The following BIRC6 variants were observed in gnomAD, a reference collection of about 807,000 sequenced individuals.
BIRC6 encodes baculoviral IAP repeat containing 6.
BIRC6 carries 98 observed loss-of-function variants against 503.3 expected under a neutral mutation model. That is an observed-to-expected ratio of 0.19 (90% confidence interval 0.17 to 0.23). The LOEUF (loss-of-function observed/expected upper bound fraction) is 0.23, where lower values mean the gene tolerates loss of function less well. Ranked by LOEUF, BIRC6 falls within the 10% of genes least tolerant of loss-of-function variation. BIRC6 has a pLI of 1.00. For synonymous variants in BIRC6, 2,240 were observed against 2,078.7 expected, an observed-to-expected ratio of 1.08 and a Z score of -2.11; for missense variants, 5,360 against 5,806.0, an observed-to-expected ratio of 0.92 and a Z score of 2.50.
intron 73 of BIRC6, among the ~76,000 whole-genome samples, chr2:32,615,101 G>A (rs1423702885): frequency 6.6e-6 from 1 of 152,122 alleles, no homozygotes; most frequent in East Asian, 1.9e-4. Context: ...TGTGGGAGGT[G>A]CCACACTTTA....
chr2:32,562,599 C>T (rs1378584291), intron 65 of BIRC6, among the ~76,000 whole-genome samples: 2 of 152,230 alleles, frequency 1.3e-5, no homozygotes, highest in Non-Finnish European at 2.9e-5. Flanking sequence ...AATCCTGCAT[C>T]CCTTCCTAAT....
chr2:32,358,832 T>C (rs895808830), intron 1 of BIRC6, among the ~76,000 whole-genome samples: 4 of 152,228 alleles, frequency 2.6e-5, no homozygotes, highest in Non-Finnish European at 5.9e-5. Flanking sequence ...TGTAATTTTT[T>C]CTTTTCTTGG....
intron 65 of BIRC6, chr2:32,565,625 G>A (rs920835703): frequency 3.3e-5 from 5 of 152,108 alleles, no homozygotes; most frequent in African/African-American, 1.2e-4. Flanking sequence ...TGTATAACAA[G>A]TAAATATAAA....
intron 50 of BIRC6, among the ~76,000 whole-genome samples, chr2:32,507,605 AAGGT>A (rs2053943510): frequency 6.6e-6 from 1 of 152,224 alleles, no homozygotes; most frequent in African/African-American, 2.4e-5. Flanking sequence ...ATATTAATCA[AAGGT>A]AGTTTTGTAT....
intron 9 of BIRC6, among the ~76,000 whole-genome samples, chr2:32,411,036 T>G (rs1425484194): frequency 1.3e-5 from 2 of 150,814 alleles, no homozygotes; most frequent in East Asian, 3.9e-4. Flanking sequence ...GGAGTCACCT[T>G]GAGTTCATTT....
intron 68 of BIRC6, among the ~76,000 whole-genome samples, chr2:32,597,374 T>C (rs187106317): frequency 6.6e-6 from 1 of 152,228 alleles, no homozygotes; most frequent in Non-Finnish European, 1.5e-5. Flanking sequence ...TTTTATCAAG[T>C]AGCCATTGTC....
At chr2:32,521,390 A>AAAAAAAAAAAAAC in intron 57 of BIRC6, among the ~76,000 whole-genome samples, 1 of 147,468 alleles carries the variant, frequency 6.8e-6, no homozygotes, top group Non-Finnish European at 1.5e-5. Context: ...AAAAAAAAAA[A>AAAAAAAAAAAAAC]AAAGCAAAGA....
chr2:32,409,394 G>T (rs980221313), intron 9 of BIRC6, among the ~76,000 whole-genome samples: 1 of 152,144 alleles, frequency 6.6e-6, no homozygotes, highest in Admixed American at 6.6e-5. Context: ...GACCTCAAGT[G>T]ATCCACCTCC....
intron 55 of BIRC6, among the ~76,000 whole-genome samples, chr2:32,516,657 G>A (rs1463669438): frequency 6.6e-6 from 1 of 150,592 alleles, no homozygotes; most frequent in Non-Finnish European, 1.5e-5. Context: ...GCTGGGTGTG[G>A]TGGATTGTCA....
Position 32,369,968 on chromosome 2 carries a change from A to G in BIRC6, c.326-7620A>G, listed in dbSNP as rs1215883621. Among the ~76,000 whole-genome samples the G allele has an allele frequency of 6.2e-3, 396 of 63,958 alleles. 11 individuals carry two copies. The highest frequency in any genetic ancestry group is 0.01 in the Non-Finnish European group (318 of 31,126). The allele number at this position is 63,958 out of a possible 152,430, so 42.0% of individuals were successfully genotyped here. A position where few individuals can be genotyped will look rare whatever the true frequency, so the allele number is the denominator to read the frequency against. On this transcript the variant is annotated intron_variant, in intron 1 of 73. Transcript: ENST00000421745. ...AAAATATATATATATATATATATAT[A>G]TATATATATATATATATGTATGTAT...
At chr2:32,511,318 G>A (rs1329084926) in intron 53 of BIRC6, among the ~76,000 whole-genome samples, 11 of 130,746 alleles carry the variant, frequency 8.4e-5, no homozygotes, top group Admixed American at 3.4e-4. Context: ...ATTTTTGTTT[G>A]TTTTGTTTTG....
At chr2:32,379,133 C>T (rs1223135163) in intron 2 of BIRC6, 2 of 152,072 alleles carry the variant, frequency 1.3e-5, no homozygotes, top group African/African-American at 4.8e-5. Context: ...AAGCATGTTG[C>T]TGAAAGTTTG....
At chr2:32,498,056 C>G (rs2052694660) in intron 45 of BIRC6, among the ~76,000 whole-genome samples, 1 of 151,916 alleles carries the variant, frequency 6.6e-6, no homozygotes, top group African/African-American at 2.4e-5. Context: ...TTATTTATAA[C>G]TGAATTTCTT....
intron 45 of BIRC6, among the ~76,000 whole-genome samples, chr2:32,498,584 A>G (rs949159780): frequency 6.6e-6 from 1 of 151,582 alleles, no homozygotes; most frequent in Non-Finnish European, 1.5e-5. Flanking sequence ...TTTTTGCTTT[A>G]GACAGTCTTT....
At chr2:32,475,105 A>G (rs1387025878) in intron 33 of BIRC6, among the ~76,000 whole-genome samples, 5 of 147,978 alleles carry the variant, frequency 3.4e-5, no homozygotes, top group Non-Finnish European at 7.4e-5. Context: ...CAGAGGTTGC[A>G]GTGAGCTGAT....
chr2:32,415,167 A>G lies in BIRC6; in HGVS notation c.1876A>G (p.Thr626Ala), dbSNP rs1314170185. 1.9e-6 allele frequency: 3 copies of G among 1,613,996 alleles called. No homozygotes were observed. Among genetic ancestry groups the G allele is most frequent in the Non-Finnish European group, 2.5e-6 (3 of 1,179,894 alleles). ...SELNSPLVRR[T>A]LPVLLLYSIK... ...ACTAAATTCTCCTCTGGTAAGGAGGACTTTACCGGTTTTGCTTCTTTATAG... is the reference window on the plus strand; with the variant it reads ...ACTAAATTCTCCTCTGGTAAGGAGGGCTTTACCGGTTTTGCTTCTTTATAG... Residue 626 changes from threonine (T) to alanine (A), a missense_variant, in exon 10 of 74, where the codon ACT becomes GCT. Around this residue, in one of 16 missense-constraint regions of BIRC6, gnomAD observed 700 missense variants for 739.3 expected, o/e 0.95. Transcript: ENST00000421745.
chr2:32,477,661 G>A (rs1195468660), intron 35 of BIRC6, 78 bp downstream of exon 35: 11 of 1,098,194 alleles, frequency 1.0e-5, no homozygotes, highest in Non-Finnish European at 1.2e-5. Context: ...CACTTTGGGA[G>A]ACTGAGGTGG....
At chr2:32,363,849 C>G (rs2034480525) in intron 1 of BIRC6, among the ~76,000 whole-genome samples, 1 of 152,158 alleles carries the variant, frequency 6.6e-6, no homozygotes, top group South Asian at 2.1e-4. Flanking sequence ...ATGCTAATTC[C>G]TTTGAGTCTC....
intron 54 of BIRC6, among the ~76,000 whole-genome samples, chr2:32,514,170 A>G (rs1401805262): frequency 6.6e-6 from 1 of 152,094 alleles, no homozygotes; most frequent in Non-Finnish European, 1.5e-5. Context: ...AAAAATTAAA[A>G]ATTAGCCAGG....
Sources: gnomAD v4.1 joint callset for allele counts (sites outside exome capture counted in the v4.1 genomes callset) on GRCh38, gnomAD v4.1.1 for gene constraint, gnomAD v4.1.1 regional missense constraint, MANE v1.5 for transcripts, NCBI Gene and HGNC (gene_info 2026-07-23, HGNC 2026-07-21) for gene names.